SCGB2B2: variants seen among roughly 807,000 people sequenced by gnomAD.
SCGB2B2 encodes the protein secretoglobin-like protein.
Under a neutral mutation model 7.6 loss-of-function variants are expected in SCGB2B2, and 11 were observed. The observed-to-expected ratio is 1.45, with a 90% confidence interval of 0.91 to 2.40. The LOEUF (loss-of-function observed/expected upper bound fraction) is 2.40. SCGB2B2 is among the 30% of genes most tolerant of loss of function. SCGB2B2 has a pLI of 0.00. For synonymous variants in SCGB2B2, 50 were observed against 48.6 expected (o/e 1.03, Z -0.12); for missense variants, 104 against 115.4 (o/e 0.90, Z 0.45).
intron 1 of SCGB2B2, among the ~76,000 whole-genome samples, chr19:34,623,726 G>A (rs1225499557): frequency 6.6e-6 from 1 of 152,140 alleles, no homozygotes; most frequent in African/African-American, 2.4e-5. Flanking sequence ...TCTGTCCCTG[G>A]CTTCTCTTAC....
chr19:34,664,949 T>A (rs180991944), intron 1 of SCGB2B2, among the ~76,000 whole-genome samples: 32 of 148,374 alleles, frequency 2.2e-4, no homozygotes, highest in African/African-American at 6.9e-4. Flanking sequence ...CCCTGACCCA[T>A]CCACTGACCC....
intron 1 of SCGB2B2, among the ~76,000 whole-genome samples, chr19:34,603,430 T>C (rs1187309935): frequency 6.6e-6 from 1 of 152,234 alleles, no homozygotes; most frequent in African/African-American, 2.4e-5. Context: ...TGACAGTCTT[T>C]TACATGGTCC....
At chr19:34,672,587 A>T (rs2067830115) in intron 1 of SCGB2B2, among the ~76,000 whole-genome samples, 1 of 152,212 alleles carries the variant, frequency 6.6e-6, no homozygotes. Context: ...CTTGGTCAAG[A>T]TAAATTAGTG....
chr19:34,656,805 T>TG (rs2067294749), intron 1 of SCGB2B2, among the ~76,000 whole-genome samples: 1 of 151,216 alleles, frequency 6.6e-6, no homozygotes. Flanking sequence ...TAAAATTATG[T>TG]GAAATTTAAC....
chr19:34,597,129 C>T (rs867717305), intron 1 of SCGB2B2, among the ~76,000 whole-genome samples: 11 of 151,934 alleles, frequency 7.2e-5, no homozygotes, highest in Middle Eastern at 3.4e-3. Flanking sequence ...CCTGCCTGTG[C>T]CCAGCCACTC....
intron 1 of SCGB2B2, among the ~76,000 whole-genome samples, chr19:34,638,539 G>T (rs996665651): frequency 6.6e-6 from 1 of 151,562 alleles, no homozygotes; most frequent in South Asian, 2.1e-4. Context: ...AATCGGCAAA[G>T]CTCATTGAAT....
At chr19:34,600,077 C>G (rs1200347709) in intron 1 of SCGB2B2, among the ~76,000 whole-genome samples, 2 of 152,114 alleles carry the variant, frequency 1.3e-5, no homozygotes, top group Non-Finnish European at 2.9e-5. Flanking sequence ...TACATGTACA[C>G]AACGTGCAGG....
chr19:34,593,471 A>T lies in SCGB2B2; in HGVS notation c.*84T>A. ...TGCAGGTGTTCATTGGGGTCTCTGTAGTGATGAACAGAGCCAGGCCAGGAA... is the reference window on the plus strand; with the variant it reads ...TGCAGGTGTTCATTGGGGTCTCTGTTGTGATGAACAGAGCCAGGCCAGGAA... On this transcript the variant is annotated 3_prime_UTR_variant, in exon 4 of 4. Transcript: ENST00000601241. 1 of 991,826 alleles carries T rather than the reference A, an allele frequency of 1.0e-6. No homozygotes were observed. Among genetic ancestry groups the T allele is most frequent in the Non-Finnish European group, 1.6e-6 (1 of 643,376 alleles). 61.4% of individuals were successfully genotyped at this position (991,826 alleles called of 1,614,324 possible).
intron 1 of SCGB2B2, among the ~76,000 whole-genome samples, chr19:34,663,893 T>C (rs1052111334): frequency 1.3e-5 from 2 of 151,678 alleles, no homozygotes; most frequent in African/African-American, 4.8e-5. Context: ...GAAGAGACAA[T>C]GGGGAGAAGG....
intron 1 of SCGB2B2, among the ~76,000 whole-genome samples, chr19:34,607,497 CTATTTT>C (rs1454751356): frequency 6.6e-6 from 1 of 152,178 alleles, no homozygotes; most frequent in East Asian, 1.9e-4. Context: ...TACGGTAGCT[CTATTTT>C]TAAGTTTTTG....
At chr19:34,590,518 G>C (rs1475774661), downstream of SCGB2B2, among the ~76,000 whole-genome samples, 1 of 152,170 alleles carries the variant, frequency 6.6e-6, no homozygotes. Flanking sequence ...TTCAGAGACA[G>C]CACTTCCTAC....
chr19:34,656,764 T>A (rs1323240071), intron 1 of SCGB2B2, among the ~76,000 whole-genome samples: 2 of 151,278 alleles, frequency 1.3e-5, no homozygotes, highest in Admixed American at 1.3e-4. Flanking sequence ...CAGAAATACT[T>A]TTAAAATGTT....
chr19:34,633,570 T>C (rs973098864), intron 1 of SCGB2B2, among the ~76,000 whole-genome samples: 1 of 152,086 alleles, frequency 6.6e-6, no homozygotes, highest in African/African-American at 2.4e-5. Context: ...AAAATAAGTC[T>C]ACAGCAAAAG....
intron 1 of SCGB2B2, chr19:34,634,798 C>T: frequency 4.8e-6 from 1 of 208,128 alleles, no homozygotes; most frequent in Admixed American, 4.8e-5. Flanking sequence ...AGGTGTTGAA[C>T]AAGTATAGAT....
intron 1 of SCGB2B2, among the ~76,000 whole-genome samples, chr19:34,672,060 G>A (rs1480171873): frequency 6.6e-6 from 1 of 152,090 alleles, no homozygotes; most frequent in Non-Finnish European, 1.5e-5. Flanking sequence ...TGAACTGCTT[G>A]AGCCCAGGAG....
chr19:34,593,652 C>G, intron 3 of SCGB2B2, 53 bp from the exon 4 acceptor site: 1 of 1,460,746 alleles, frequency 6.8e-7, no homozygotes, highest in Non-Finnish European at 9.4e-7. Flanking sequence ...AAAGGCTCCC[C>G]AGACTCATCG....
chr19:34,645,476 C>T (rs1259849169), intron 1 of SCGB2B2: 1 of 163,406 alleles, frequency 6.1e-6, no homozygotes, highest in Admixed American at 6.4e-5. Flanking sequence ...TCTCTGCAGA[C>T]CTGCCCTGAC....
chr19:34,612,018 A>ATTTTT (rs1568431496), intron 1 of SCGB2B2, among the ~76,000 whole-genome samples: 5 of 78,676 alleles, frequency 6.4e-5, no homozygotes, highest in East Asian at 7.0e-4. Context: ...TGTTTTAGAA[A>ATTTTT]ATTCTTTTTT....
chr19:34,628,336 GT>G (rs1250426783), intron 1 of SCGB2B2, among the ~76,000 whole-genome samples: 1 of 148,406 alleles, frequency 6.7e-6, no homozygotes, highest in Admixed American at 6.7e-5. Flanking sequence ...TCCAGGAACT[GT>G]TTTTTTGACA....
Sources: gnomAD v4.1 joint callset for allele counts (sites outside exome capture counted in the v4.1 genomes callset) on GRCh38, gnomAD v4.1.1 for gene constraint, MANE v1.5 for transcripts, NCBI Gene and HGNC (gene_info 2026-07-23, HGNC 2026-07-21) for gene names.